VAV1: variants seen among roughly 807,000 people sequenced by gnomAD.
The protein encoded by VAV1 is proto-oncogene vav.
VAV1 carries 33 observed loss-of-function variants against 128.1 expected under a neutral mutation model. That is an observed-to-expected ratio of 0.26 (90% CI 0.20 to 0.34). The LOEUF (loss-of-function observed/expected upper bound fraction) is 0.34. Ranked by LOEUF, VAV1 falls within the 10% of genes least tolerant of loss-of-function variation. The probability of loss-of-function intolerance (pLI) is 1.00; values close to 1 mark genes in which losing one functional copy is unlikely to be tolerated. For synonymous variants in VAV1, 394 were observed against 409.8 expected, an observed-to-expected ratio of 0.96 and a Z score of 0.47; for missense variants, 715 against 1,093.7, an observed-to-expected ratio of 0.65 and a Z score of 4.88.
Position 6,833,168 on chromosome 19 carries a change from A to G in VAV1, c.1509-16A>G. The G allele has an allele frequency of 6.5e-7, 1 of 1,532,084 alleles. No individual in the cohort carries two copies. The highest frequency in any genetic ancestry group is 1.2e-5 in the South Asian group (1 of 81,392). The allele number at this position is 1,532,084 out of a possible 1,614,324, so 94.9% of individuals were successfully genotyped here. ...CTGACCTTCTTTTTTTTTTTTTTTT[A>G]ATTTTCCCCTGCCAGCTCCAACATC... On this transcript the variant is annotated splice_polypyrimidine_tract_variant and intron_variant, in intron 15 of 26. Coordinates refer to ENST00000602142, the MANE Select transcript of VAV1 (RefSeq NM_005428.4).
intron 24 of VAV1, 98 bp downstream of exon 24, chr19:6,850,855 A>AC (rs957396333): frequency 1.5e-5 from 18 of 1,207,938 alleles, no homozygotes; most frequent in South Asian, 8.1e-5. Flanking sequence ...ATTCAGGGTG[A>AC]CCCCCCTCCA....
Position 6,822,098 on chromosome 19 carries a change from G to T in VAV1, c.450-123G>T, listed in dbSNP as rs1490981146. 4.7e-6 allele frequency: 5 copies of T among 1,074,974 alleles called. No individual in the cohort carries two copies. The highest frequency in any genetic ancestry group is 5.5e-6 in the Non-Finnish European group (4 of 733,456). The allele number at this position is 1,074,974 out of a possible 1,614,324, so 66.6% of individuals were successfully genotyped here. A position where few individuals can be genotyped will look rare whatever the true frequency, so the allele number is the denominator to read the frequency against. On this transcript the variant is annotated intron_variant, in intron 4 of 26. Coordinates refer to ENST00000602142, the MANE Select transcript of VAV1 (RefSeq NM_005428.4). This position sits in a 1 kb window ranked among gnomAD's most constrained non-coding sequence, Gnocchi z 5.9. ...CCTGGAGCTTGGAGGGACATGGCCT[G>T]CCCTTGGAGTCTGAGGTCCCACCCT... is the stretch of plus-strand genomic sequence containing the variant.
rs2546136 is a variant in VAV1 at position 6,802,204 on chromosome 19, T to C, written c.205-18498T>C. Among the ~76,000 whole-genome samples, 7 of 151,688 alleles carry C rather than the reference T, an allele frequency of 4.6e-5. No individual in the cohort carries two copies. The South Asian group carries it at 6.2e-4, about 14-fold the overall frequency. ...GGGGACTGTTGTGGGGTCGGGGAAG[T>C]GGGGAGGGATAACATTAGGAGATAT... On this transcript the variant is annotated intron_variant, in intron 1 of 26. Coordinates refer to ENST00000602142, the MANE Select transcript of VAV1 (RefSeq NM_005428.4).
intron 1 of VAV1, among the ~76,000 whole-genome samples, chr19:6,816,242 G>C (rs935081129): frequency 6.6e-6 from 1 of 151,912 alleles, no homozygotes; most frequent in African/African-American, 2.4e-5. Flanking sequence ...GGATGGTCTC[G>C]ATCTCCTGAC....
At chr19:6,773,093 G>A in intron 1 of VAV1, 82 bp downstream of exon 1, 2 of 1,545,032 alleles carry the variant, frequency 1.3e-6, no homozygotes, top group Middle Eastern at 1.7e-4. Context: ...CTGACGTGCT[G>A]CTCCACCTCT....
At chr19:6,776,055 T>C (rs1599609707) in intron 1 of VAV1, among the ~76,000 whole-genome samples, 1 of 151,574 alleles carries the variant, frequency 6.6e-6, no homozygotes, top group African/African-American at 2.4e-5. Context: ...TATCCATCCA[T>C]CTACCCATCC....
chr19:6,809,874 G>T (rs2144746798), intron 1 of VAV1, among the ~76,000 whole-genome samples: 1 of 151,918 alleles, frequency 6.6e-6, no homozygotes, highest in Admixed American at 6.6e-5. Context: ...AGGATTCAAT[G>T]AATCCTCCAT....
chr19:6,773,040 G>C, intron 1 of VAV1, 29 bp downstream of exon 1: 2 of 1,613,818 alleles, frequency 1.2e-6, no homozygotes, highest in Non-Finnish European at 1.7e-6. Flanking sequence ...GGTGTGCTGA[G>C]GGTTGGAGAC....
chr19:6,818,925 G>C (rs1277568720), intron 1 of VAV1, among the ~76,000 whole-genome samples: 1 of 152,134 alleles, frequency 6.6e-6, no homozygotes, highest in Non-Finnish European at 1.5e-5. Flanking sequence ...AGACCAGCCT[G>C]ACCAACATGG....
At chr19:6,808,893 C>A (rs1054952052) in intron 1 of VAV1, among the ~76,000 whole-genome samples, 1 of 152,062 alleles carries the variant, frequency 6.6e-6, no homozygotes, top group Non-Finnish European at 1.5e-5. Context: ...GTATAGGATA[C>A]CTTTAGCTAG....
chr19:6,835,203 A>ATATATATATGTG (rs1157755685), intron 19 of VAV1, among the ~76,000 whole-genome samples: 1 of 93,506 alleles, frequency 1.1e-5, no homozygotes, highest in East Asian at 2.8e-4. Flanking sequence ...ATATGTGTAT[A>ATATATATATGTG]TATATATACA....
chr19:6,828,501 G>A lies in VAV1; in HGVS notation c.1092+14G>A. Reference sequence around the variant, plus strand: ...GATGCCATGAGGGTGAGTGGGTGTAGGGTGCTGGTGACTCACCTGCTGCAG... The same window carrying A: ...GATGCCATGAGGGTGAGTGGGTGTAAGGTGCTGGTGACTCACCTGCTGCAG... On this transcript the variant is annotated intron_variant, in intron 11 of 26. Coordinates refer to ENST00000602142, the MANE Select transcript of VAV1 (RefSeq NM_005428.4). The surrounding 1 kb of genome is among the most constrained non-coding windows in gnomAD (Gnocchi z 4.5). 1 of 1,614,126 alleles carries A rather than the reference G, an allele frequency of 6.2e-7. No homozygotes were observed. The highest frequency in any genetic ancestry group is 8.5e-7 in the Non-Finnish European group (1 of 1,180,004).
intron 1 of VAV1, among the ~76,000 whole-genome samples, chr19:6,804,246 C>T: frequency 6.6e-6 from 1 of 150,900 alleles, no homozygotes; most frequent in African/African-American, 2.4e-5. Context: ...CTTGGTTTCA[C>T]CCAAGAAGCC....
At chr19:6,814,682 T>TCTCTCTCTCTCTCTCTCTC (rs1971595417) in intron 1 of VAV1, among the ~76,000 whole-genome samples, 1 of 111,518 alleles carries the variant, frequency 9.0e-6, no homozygotes, top group African/African-American at 4.4e-5. Flanking sequence ...CTTTCTTTCT[T>TCTCTCTCTCTCTCTCTCTC]TCTTTCTTTC....
At chr19:6,809,927 T>A (rs191605177) in intron 1 of VAV1, among the ~76,000 whole-genome samples, 27 of 151,938 alleles carry the variant, frequency 1.8e-4, no homozygotes, top group Admixed American at 2.0e-4. Flanking sequence ...TACCAGCACT[T>A]TGGGAAGCCA....
intron 21 of VAV1, among the ~76,000 whole-genome samples, chr19:6,840,298 T>C (rs1972338282): frequency 2.2e-5 from 3 of 133,722 alleles, no homozygotes; most frequent in African/African-American, 7.9e-5. Flanking sequence ...GTCAGAATTT[T>C]CTTTCTTTTT....
chr19:6,804,710 C>T (rs1018905997), intron 1 of VAV1, among the ~76,000 whole-genome samples: 2 of 149,252 alleles, frequency 1.3e-5, no homozygotes, highest in African/African-American at 5.0e-5. Context: ...AACCACTGTG[C>T]CCTTCCCATA....
At chr19:6,786,135 A>C (rs1970887592) in intron 1 of VAV1, among the ~76,000 whole-genome samples, 1 of 152,128 alleles carries the variant, frequency 6.6e-6, no homozygotes, top group Non-Finnish European at 1.5e-5. Flanking sequence ...TCAAATGTCA[A>C]GGCAAGGATT....
At chr19:6,784,874 T>C (rs1340885262) in intron 1 of VAV1, among the ~76,000 whole-genome samples, 1 of 152,190 alleles carries the variant, frequency 6.6e-6, no homozygotes, top group African/African-American at 2.4e-5. Flanking sequence ...ACAGAGATGC[T>C]AGAAATCTCT....
Sources: allele counts gnomAD v4.1 joint callset (sites outside exome capture counted in the v4.1 genomes callset), GRCh38; gene constraint gnomAD v4.1.1; non-coding constraint Gnocchi (gnomAD v3.1); transcripts MANE v1.5; gene names NCBI Gene and HGNC (gene_info 2026-07-23, HGNC 2026-07-21).